Variants in ZNRF3 observed in about 807,000 individuals in gnomAD.
ZNRF3 encodes the protein E3 ubiquitin-protein ligase ZNRF3.
ZNRF3 carries 23 observed loss-of-function variants against 72.5 expected under a neutral mutation model. The ratio of observed to expected loss-of-function variants is 0.32; its 90% CI spans 0.23 to 0.45. The LOEUF (loss-of-function observed/expected upper bound fraction) is 0.45. Ranked by LOEUF, ZNRF3 falls within the 20% of genes least tolerant of loss-of-function variation. The pLI is 1.00. For synonymous variants in ZNRF3, 610 were observed against 545.3 expected, an observed-to-expected ratio of 1.12 and a Z score of -1.65; for missense variants, 1,169 against 1,272.1, an observed-to-expected ratio of 0.92 and a Z score of 1.23.
At chr22:28,896,559 C>T (rs1374676392) in intron 1 of ZNRF3, among the ~76,000 whole-genome samples, 3 of 152,218 alleles carry the variant, frequency 2.0e-5, no homozygotes, top group East Asian at 3.8e-4. Context: ...CCACTGTGCC[C>T]GGCCTGAGAA....
chr22:28,949,378 G>A (rs1312248934), intron 1 of ZNRF3, among the ~76,000 whole-genome samples: 1 of 152,148 alleles, frequency 6.6e-6, no homozygotes, highest in Non-Finnish European at 1.5e-5. Flanking sequence ...AGACTCAAGT[G>A]ATCCTTCCAC....
chr22:29,040,297 A>T (rs913809329), intron 2 of ZNRF3, among the ~76,000 whole-genome samples: 11 of 151,990 alleles, frequency 7.2e-5, no homozygotes, highest in African/African-American at 2.4e-4. Flanking sequence ...CTCCTGCCTC[A>T]GCCTCCCGAG....
chr22:28,888,413 A>G (rs570070612), intron 1 of ZNRF3, among the ~76,000 whole-genome samples: 1 of 152,220 alleles, frequency 6.6e-6, no homozygotes. Context: ...ACCTGGATTT[A>G]GACAGAAAGG....
intron 1 of ZNRF3, among the ~76,000 whole-genome samples, chr22:28,963,892 C>G (rs561841103): frequency 9.7e-4 from 148 of 152,154 alleles, no homozygotes; most frequent in Non-Finnish European, 1.3e-3. Flanking sequence ...CAACAGGGCA[C>G]CTTGAAAGCT....
intron 1 of ZNRF3, among the ~76,000 whole-genome samples, chr22:28,935,147 G>T (rs541174490): frequency 9.2e-5 from 14 of 152,308 alleles, no homozygotes; most frequent in African/African-American, 3.1e-4. Context: ...GATGTGCTAT[G>T]GTTCTGGATT....
chr22:28,972,563 G>A (rs182572794), intron 1 of ZNRF3, among the ~76,000 whole-genome samples: 21 of 152,298 alleles, frequency 1.4e-4, no homozygotes, highest in Non-Finnish European at 2.2e-4. Context: ...GAATAGTGCT[G>A]CTATGAACGT....
intron 1 of ZNRF3, among the ~76,000 whole-genome samples, chr22:28,941,128 T>C (rs1569254189): frequency 6.6e-6 from 1 of 152,196 alleles, no homozygotes. Flanking sequence ...GTAGGGGACT[T>C]GGAAATCCTA....
At chr22:29,017,512 G>A (rs1356580118) in intron 2 of ZNRF3, among the ~76,000 whole-genome samples, 1 of 152,132 alleles carries the variant, frequency 6.6e-6, no homozygotes. Flanking sequence ...AAGTGTGAAC[G>A]CAGACCAATA....
intron 2 of ZNRF3, among the ~76,000 whole-genome samples, chr22:29,001,597 G>C (rs554477761): frequency 6.6e-6 from 1 of 151,370 alleles, no homozygotes; most frequent in Non-Finnish European, 1.5e-5. Context: ...TCAGCCTTCC[G>C]AGTAGCTGGG....
intron 2 of ZNRF3, among the ~76,000 whole-genome samples, chr22:28,990,287 G>T (rs2035931018): frequency 6.6e-6 from 1 of 152,214 alleles, no homozygotes; most frequent in Admixed American, 6.5e-5. Flanking sequence ...AGTTCGGAGA[G>T]ATTCTAGTTA....
chr22:28,890,389 A>G (rs546560315), intron 1 of ZNRF3, among the ~76,000 whole-genome samples: 1 of 152,274 alleles, frequency 6.6e-6, no homozygotes, highest in South Asian at 2.1e-4. Flanking sequence ...AGTCCCAGCT[A>G]CTGGGGAGAC....
intron 2 of ZNRF3, among the ~76,000 whole-genome samples, chr22:28,995,304 G>C (rs1006435092): frequency 5.3e-5 from 8 of 152,176 alleles, no homozygotes; most frequent in Non-Finnish European, 1.0e-4. Flanking sequence ...TGTGGTGGCG[G>C]GCGCCTGTAA....
At chr22:28,953,415 T>C (rs1228646061) in intron 1 of ZNRF3, among the ~76,000 whole-genome samples, 1 of 152,204 alleles carries the variant, frequency 6.6e-6, no homozygotes, top group Non-Finnish European at 1.5e-5. Context: ...GGAGAATTAT[T>C]AGTTGTCTCT....
At chr22:29,043,107 TG>T (rs2123881612) in intron 3 of ZNRF3, among the ~76,000 whole-genome samples, 191 bp from the exon 4 acceptor site, 1 of 152,252 alleles carries the variant, frequency 6.6e-6, no homozygotes, top group African/African-American at 2.4e-5. Context: ...CTGGGCCTTC[TG>T]CTTGCCCAGT....
chr22:29,048,267 G>A lies in ZNRF3; in HGVS notation c.913-122G>A. The A allele has an allele frequency of 1.5e-6, 1 of 679,426 alleles. No homozygotes were observed. The highest frequency in any genetic ancestry group is 2.6e-5 in the Admixed American group (1 of 38,228). The allele number at this position is 679,426 out of a possible 1,614,324, so 42.1% of individuals were successfully genotyped here. On this transcript the variant is annotated intron_variant, in intron 6 of 8. Transcript: ENST00000544604. This position sits in a 1 kb window ranked among gnomAD's most constrained non-coding sequence, Gnocchi z 4.9. ...GGGAATTGAGCCCTAATTGGAGGTG[G>A]GGAGGAGAGTAGGGAAGGGCACGGG...
At position 28,914,775 on chromosome 22, in the gene ZNRF3, T is replaced by C. The variant is rs1193534793; in HGVS notation, c.300+30709T>C. On this transcript the variant is annotated intron_variant, in intron 1 of 8. Transcript: ENST00000544604. ...GTTGCAGTGAGCCGAGATGGCGCCATTGCACTCCGGCCTGGGCAGCAAGAA... is the reference window on the plus strand; with the variant it reads ...GTTGCAGTGAGCCGAGATGGCGCCACTGCACTCCGGCCTGGGCAGCAAGAA... Among the ~76,000 whole-genome samples the C allele has an allele frequency of 2.0e-5, 3 of 150,568 alleles. No homozygotes were observed. In the East Asian group the frequency reaches 5.8e-4, roughly 29 times the overall value.
At chr22:28,997,041 G>C (rs1197671394) in intron 2 of ZNRF3, among the ~76,000 whole-genome samples, 7 of 152,180 alleles carry the variant, frequency 4.6e-5, no homozygotes, top group Non-Finnish European at 1.0e-4. Context: ...TGAGTGGTGA[G>C]ATTCTCAACT....
intron 1 of ZNRF3, among the ~76,000 whole-genome samples, chr22:28,908,871 C>G (rs995219889): frequency 1.1e-4 from 17 of 152,050 alleles, no homozygotes; most frequent in African/African-American, 3.9e-4. Flanking sequence ...AGATGAGGGC[C>G]TGGTGTCTCC....
chr22:29,016,014 C>CAAAAA lies in ZNRF3; in HGVS notation c.427-26470_427-26466dup, dbSNP rs34796724. 6.8e-5 allele frequency among the ~76,000 whole-genome samples: 7 copies of CAAAAA among 102,444 alleles called. 1 individual carries two copies. Among genetic ancestry groups the CAAAAA allele is most frequent in the Non-Finnish European group, 9.8e-5 (5 of 51,012 alleles). 67.2% of individuals were successfully genotyped at this position (102,444 alleles called of 152,430 possible). A position where few individuals can be genotyped will look rare whatever the true frequency, so the allele number is the denominator to read the frequency against. ...CTGGGCAACAAGAGTGAAACTGTCT[C>CAAAAA]AAAAAAAAAAAAAAACAAAAAAACT... On this transcript the variant is annotated intron_variant, in intron 2 of 8. Transcript: ENST00000544604.
Sources: allele counts gnomAD v4.1 joint callset (sites outside exome capture counted in the v4.1 genomes callset), GRCh38; gene constraint gnomAD v4.1.1; non-coding constraint Gnocchi (gnomAD v3.1); transcripts MANE v1.5; gene names NCBI Gene and HGNC (gene_info 2026-07-23, HGNC 2026-07-21).